CNTN3: variants seen among roughly 807,000 people sequenced by gnomAD.
CNTN3 encodes the protein contactin 3.
Under a neutral mutation model 119.1 loss-of-function variants are expected in CNTN3, and 60 were observed. The ratio of observed to expected loss-of-function variants is 0.50; its 90% confidence interval spans 0.41 to 0.62. CNTN3 has a LOEUF of 0.62. CNTN3 is among the 20% of genes least tolerant of loss of function. CNTN3 has a pLI of 0.00. For missense variants in CNTN3, 1,101 were observed against 1,242.4 expected (o/e 0.89, Z 1.71); for synonymous variants, 450 against 438.7 (o/e 1.03, Z -0.32).
chr3:74,479,058 G>C (rs1023233073), intron 4 of CNTN3, among the ~76,000 whole-genome samples: 2 of 152,206 alleles, frequency 1.3e-5, no homozygotes, highest in African/African-American at 4.8e-5. Context: ...AAGTCAAAGA[G>C]AAGGAAATTT....
At chr3:74,449,782 G>C (rs922072242) in intron 4 of CNTN3, among the ~76,000 whole-genome samples, 1 of 152,040 alleles carries the variant, frequency 6.6e-6, no homozygotes, top group Non-Finnish European at 1.5e-5. Flanking sequence ...CAAATACTCA[G>C]AATGAATAGC....
At chr3:74,454,009 T>C (rs1184671003) in intron 4 of CNTN3, among the ~76,000 whole-genome samples, 2 of 148,740 alleles carry the variant, frequency 1.3e-5, no homozygotes, top group Non-Finnish European at 1.5e-5. Flanking sequence ...TGGAGAGTTC[T>C]GTAGATGTCT....
chr3:74,422,014 T>C (rs781090332), intron 5 of CNTN3, among the ~76,000 whole-genome samples: 5 of 152,210 alleles, frequency 3.3e-5, no homozygotes, highest in Non-Finnish European at 5.9e-5. Context: ...TCAAAAAGCA[T>C]GTATAACTGG....
At chr3:74,285,818 TATATATATATATATATATATAA>T (rs1273913565) in intron 19 of CNTN3, among the ~76,000 whole-genome samples, 4 of 119,478 alleles carry the variant, frequency 3.3e-5, no homozygotes, top group Admixed American at 1.6e-4. Flanking sequence ...TATATATATA[TATATATATATATATATATATAA>T]AATTAAAAAT....
chr3:74,297,913 A>G, intron 18 of CNTN3, 44 bp downstream of exon 18: 1 of 1,437,696 alleles, frequency 7.0e-7, no homozygotes, highest in Non-Finnish European at 9.6e-7. Flanking sequence ...GAGCACAAAT[A>G]ATTATTATTA....
At chr3:74,402,168 A>G (rs1705211418) in intron 5 of CNTN3, among the ~76,000 whole-genome samples, 1 of 152,152 alleles carries the variant, frequency 6.6e-6, no homozygotes. Flanking sequence ...AAAGGAAACA[A>G]GCTTTTTGGT....
intron 2 of CNTN3, among the ~76,000 whole-genome samples, chr3:74,506,994 C>A (rs963458714): frequency 6.6e-6 from 1 of 151,250 alleles, no homozygotes; most frequent in Non-Finnish European, 1.5e-5. Flanking sequence ...TAGGACCAGA[C>A]ACAATTCCCT....
chr3:74,482,943 ACTTCTTTTCTCAT>A (rs574649302), intron 4 of CNTN3, among the ~76,000 whole-genome samples: 264 of 152,258 alleles, frequency 1.7e-3, no homozygotes, highest in Admixed American at 2.7e-3. Flanking sequence ...ATTATCTTCT[ACTTCTTTTCTCAT>A]CTTCTTTGGT....
intron 20 of CNTN3, among the ~76,000 whole-genome samples, chr3:74,271,850 C>G (rs531328669): frequency 6.6e-6 from 1 of 152,270 alleles, no homozygotes; most frequent in Admixed American, 6.5e-5. Flanking sequence ...TCACTGAAAA[C>G]TATTATAAAT....
At chr3:74,446,946 A>C (rs1461568034) in intron 4 of CNTN3, among the ~76,000 whole-genome samples, 1 of 152,160 alleles carries the variant, frequency 6.6e-6, no homozygotes, top group African/African-American at 2.4e-5. Flanking sequence ...AGGTCTTATT[A>C]TATATGGATG....
At chr3:74,466,802 A>G (rs1702468945) in intron 4 of CNTN3, among the ~76,000 whole-genome samples, 1 of 152,164 alleles carries the variant, frequency 6.6e-6, no homozygotes, top group East Asian at 1.9e-4. Flanking sequence ...GGAATAAAAA[A>G]GATACATAAA....
chr3:74,293,495 G>C (rs1240240563), intron 19 of CNTN3, among the ~76,000 whole-genome samples: 1 of 152,118 alleles, frequency 6.6e-6, no homozygotes, highest in East Asian at 1.9e-4. Flanking sequence ...CTTTTTTTGA[G>C]ATAGAATCTC....
At chr3:74,351,981 C>G (rs1284075385) in intron 11 of CNTN3, among the ~76,000 whole-genome samples, 3 of 152,182 alleles carry the variant, frequency 2.0e-5, no homozygotes, top group African/African-American at 7.2e-5. Flanking sequence ...AAGCTGTGCT[C>G]TACTCTCTAG....
chr3:74,402,435 T>C (rs1705222633), intron 5 of CNTN3, among the ~76,000 whole-genome samples: 1 of 152,214 alleles, frequency 6.6e-6, no homozygotes, highest in South Asian at 2.1e-4. Context: ...AGCATTCCTT[T>C]TTCTTCTTCT....
intron 21 of CNTN3, 129 bp from the exon 22 acceptor site, chr3:74,266,778 C>T (rs1701669585): frequency 1.3e-6 from 1 of 758,784 alleles, no homozygotes; most frequent in Admixed American, 2.6e-5. Context: ...TCATTCATGA[C>T]TCTAATTGTA....
chr3:74,538,971 G>A (rs561292520), intron 1 of CNTN3, among the ~76,000 whole-genome samples: 1 of 151,966 alleles, frequency 6.6e-6, no homozygotes, highest in South Asian at 2.1e-4. Context: ...CATATTAAAT[G>A]TCACCCTTCT....
chr3:74,545,910 T>C (rs567600064), intron 1 of CNTN3, among the ~76,000 whole-genome samples: 1 of 152,208 alleles, frequency 6.6e-6, no homozygotes, highest in Non-Finnish European at 1.5e-5. Context: ...GTCCAATCTC[T>C]GCTCCTTGAC....
intron 19 of CNTN3, among the ~76,000 whole-genome samples, chr3:74,288,756 T>C (rs1702169338): frequency 6.6e-6 from 1 of 152,156 alleles, no homozygotes; most frequent in South Asian, 2.1e-4. Flanking sequence ...CACTAGAACG[T>C]GGGAGCTTTC....
intron 2 of CNTN3, among the ~76,000 whole-genome samples, chr3:74,515,260 A>T (rs568649329): frequency 6.6e-6 from 1 of 152,134 alleles, no homozygotes; most frequent in African/African-American, 2.4e-5. Flanking sequence ...TGAAATGAGA[A>T]TTACAGAAAA....
Sources: allele counts gnomAD v4.1 joint callset (sites outside exome capture counted in the v4.1 genomes callset), GRCh38; gene constraint gnomAD v4.1.1; transcripts MANE v1.5; gene names NCBI Gene and HGNC (gene_info 2026-07-23, HGNC 2026-07-21).